CAST: variants seen among roughly 807,000 people sequenced by gnomAD.
The protein encoded by CAST is calpastatin.
In CAST, 76 loss-of-function variants were observed where a neutral mutation model predicts 119.6. That is an observed-to-expected ratio of 0.64 (90% confidence interval 0.53 to 0.77). The LOEUF (loss-of-function observed/expected upper bound fraction) is 0.77. Ranked by LOEUF, CAST falls within the 30% of genes least tolerant of loss-of-function variation. CAST has a pLI of 0.00. For synonymous variants in CAST, 319 were observed against 331.6 expected, an observed-to-expected ratio of 0.96 and a Z score of 0.41; for missense variants, 953 against 946.5, an observed-to-expected ratio of 1.01 and a Z score of -0.09.
chr5:96,399,920 A>C, the CAST span: 15 of 1,431,374 alleles, frequency 1.0e-5, no homozygotes, highest in Non-Finnish European at 1.5e-5. Flanking sequence ...TGCCATGGGC[A>C]CACATGTGTT....
chr5:96,005,769 G>A, the CAST span, among the ~76,000 whole-genome samples: 2 of 151,968 alleles, frequency 1.3e-5, no homozygotes, highest in East Asian at 1.9e-4. Flanking sequence ...TAAATTTTAT[G>A]TAAATCTGTT....
chr5:96,754,848 CA>C, intron 22 of CAST, 107 bp downstream of exon 22: 1 of 698,050 alleles, frequency 1.4e-6, no homozygotes, highest in Non-Finnish European at 2.5e-6. Context: ...CTTGTTTCTT[CA>C]TATTTCAAAC....
intron 1 of CAST, among the ~76,000 whole-genome samples, chr5:96,580,078 T>C (rs1010838794): frequency 5.9e-5 from 9 of 152,226 alleles, no homozygotes; most frequent in African/African-American, 2.2e-4. Flanking sequence ...CATGATATCT[T>C]CTTCCTTCTC....
the CAST span, among the ~76,000 whole-genome samples, chr5:96,458,615 A>G: frequency 6.6e-5 from 10 of 152,338 alleles, no homozygotes; most frequent in African/African-American, 2.4e-4. Flanking sequence ...ACACAGTTAG[A>G]GGCTCAGGCC....
chr5:96,388,634 T>C, the CAST span, among the ~76,000 whole-genome samples: 23 of 152,338 alleles, frequency 1.5e-4, no homozygotes, highest in East Asian at 2.9e-3. Flanking sequence ...CAATCATTTA[T>C]ATGAATGTTA....
At chr5:96,745,056 G>A (rs1047448956) in intron 16 of CAST, among the ~76,000 whole-genome samples, 26 of 152,208 alleles carry the variant, frequency 1.7e-4, no homozygotes, top group East Asian at 5.8e-4. Context: ...AGCTCTGGCC[G>A]CATGTGTAAC....
At chr5:96,552,939 G>T (rs1172039915) in intron 1 of CAST, among the ~76,000 whole-genome samples, 2 of 152,126 alleles carry the variant, frequency 1.3e-5, no homozygotes, top group African/African-American at 4.8e-5. Flanking sequence ...ACAAAAAAAA[G>T]TCCAGGACCA....
the CAST span, among the ~76,000 whole-genome samples, chr5:96,204,484 T>C: frequency 6.6e-6 from 1 of 152,070 alleles, no homozygotes; most frequent in East Asian, 1.9e-4. Context: ...CTAGGTCCTC[T>C]ACTAATTCCA....
At chr5:96,273,619 C>A in the CAST span, among the ~76,000 whole-genome samples, 1 of 152,134 alleles carries the variant, frequency 6.6e-6, no homozygotes, top group Non-Finnish European at 1.5e-5. Context: ...TACTTTCAGG[C>A]ATGTAAGATT....
At chr5:96,068,155 C>T in the CAST span, among the ~76,000 whole-genome samples, 8 of 152,148 alleles carry the variant, frequency 5.3e-5, no homozygotes, top group Admixed American at 3.9e-4. Flanking sequence ...ATCTTGATAA[C>T]GATCCTGTCA....
chr5:96,374,040 G>A, the CAST span, among the ~76,000 whole-genome samples: 3 of 152,130 alleles, frequency 2.0e-5, no homozygotes, highest in Non-Finnish European at 4.4e-5. Context: ...TTTAGCATGT[G>A]GAGTTGGTAT....
the CAST span, among the ~76,000 whole-genome samples, chr5:96,197,190 G>A: frequency 2.6e-5 from 4 of 152,114 alleles, no homozygotes; most frequent in African/African-American, 9.7e-5. Flanking sequence ...CAGGCTAAAG[G>A]CATCTGTCCC....
the CAST span, among the ~76,000 whole-genome samples, chr5:96,388,500 G>A: frequency 0.044 from 6,697 of 152,250 alleles, 422 homozygotes; most frequent in African/African-American, 0.14. Context: ...CACATTTGAG[G>A]CCTCTGCTTG....
chr5:96,201,904 G>A, the CAST span, among the ~76,000 whole-genome samples: 3 of 151,852 alleles, frequency 2.0e-5, no homozygotes, highest in Non-Finnish European at 4.4e-5. Context: ...ACTTTAAGGG[G>A]CAAAGTTTGG....
intron 1 of CAST, among the ~76,000 whole-genome samples, chr5:96,534,891 AGAAGGAAAGAAG>A (rs1393613978): frequency 2.0e-5 from 3 of 149,642 alleles, no homozygotes; most frequent in Middle Eastern, 3.2e-3. Context: ...AAAGAAAGAA[AGAAGGAAAGAAG>A]GAAGGAAAGA....
At chr5:96,036,628 T>C in the CAST span, among the ~76,000 whole-genome samples, 297 of 152,282 alleles carry the variant, frequency 2.0e-3, 2 homozygotes, top group South Asian at 0.026. Flanking sequence ...CTTTAATTGA[T>C]AACTGTTTTC....
the CAST span, among the ~76,000 whole-genome samples, chr5:96,040,463 G>T: frequency 2.0e-5 from 3 of 152,106 alleles, no homozygotes; most frequent in Admixed American, 2.0e-4. Flanking sequence ...TTTTCAAAGG[G>T]AGTGCTTCCA....
At chr5:96,065,548 CTTTTA>C in the CAST span, among the ~76,000 whole-genome samples, 1 of 151,978 alleles carries the variant, frequency 6.6e-6, no homozygotes, top group Non-Finnish European at 1.5e-5. Flanking sequence ...TTTGAAGCAT[CTTTTA>C]TTTTAAAGCA....
chr5:96,580,452 G>A (rs117930973), intron 1 of CAST, among the ~76,000 whole-genome samples: 5 of 152,306 alleles, frequency 3.3e-5, no homozygotes, highest in East Asian at 1.9e-4. Flanking sequence ...TAATCTTAAC[G>A]TAAATACTGA....
Sources: gnomAD v4.1 joint callset for allele counts (sites outside exome capture counted in the v4.1 genomes callset) on GRCh38, gnomAD v4.1.1 for gene constraint, MANE v1.5 for transcripts, NCBI Gene and HGNC (gene_info 2026-07-23, HGNC 2026-07-21) for gene names.